FAM186A: variants seen among roughly 807,000 people sequenced by gnomAD.
FAM186A encodes family with sequence similarity 186 member A, also known as protein FAM186A.
Under a neutral mutation model 216.8 loss-of-function variants are expected in FAM186A, and 163 were observed. The observed-to-expected ratio is 0.75, with a 90% CI of 0.66 to 0.86. FAM186A has a LOEUF of 0.86. FAM186A is among the 40% of genes least tolerant of loss of function. The pLI is 0.00. For synonymous variants in FAM186A, 805 were observed against 1,025.3 expected (o/e 0.79, Z 4.10); for missense variants, 2,184 against 2,746.2 (o/e 0.80, Z 4.58).
At chr12:50,392,077 T>C (rs1943361787) in intron 1 of FAM186A, among the ~76,000 whole-genome samples, 1 of 140,372 alleles carries the variant, frequency 7.1e-6, no homozygotes, top group African/African-American at 2.7e-5. Flanking sequence ...GCTCCACTTA[T>C]ATAAAATCTA....
chr12:50,352,428 C>G lies in FAM186A; in HGVS notation c.4404G>C (p.Gly1468=), dbSNP rs751417214. ...GGGCCTGCTGAGGGGTGAGAGGGATCCCCAATTCCTGAGCCTGCTGAGGGG... is the reference window on the plus strand; with the variant it reads ...GGGCCTGCTGAGGGGTGAGAGGGATGCCCAATTCCTGAGCCTGCTGAGGGG... ...TLTPQQAQEL[G]IPLTPQQAQA... The change falls in exon 4 of 8, where the codon GGG becomes GGC. Residue 1468 remains glycine (G), a synonymous_variant. Transcript: ENST00000327337. 2.6e-5 allele frequency: 39 copies of G among 1,516,358 alleles called. No homozygotes were observed. Among genetic ancestry groups the G allele is most frequent in the Non-Finnish European group, 3.4e-5 (38 of 1,127,742 alleles). The allele number at this position is 1,516,358 out of a possible 1,614,324, so 93.9% of individuals were successfully genotyped here.
chr12:50,353,770 T>C lies in FAM186A; in HGVS notation c.3062A>G (p.Gln1021Arg). ...PRWKSVLKDV[Q>R]RSYEGKEFQR... is the part of the protein sequence containing the mutation. ...AAACTCTTTTCCTTCATATGACCGC[T>C]GTACATCTTTCAATACACTCTTCCA... is the stretch of plus-strand genomic sequence containing the variant. The change falls in exon 4 of 8, where the codon CAG (glutamine) becomes CGG (arginine). Residue 1021 changes from glutamine to arginine, a missense_variant. Around this residue, in one of 7 missense-constraint regions of FAM186A, gnomAD observed 1,132 missense variants for 1,263.4 expected, o/e 0.90. Transcript: ENST00000327337. 1 of 1,551,620 alleles carries C rather than the reference T, an allele frequency of 6.4e-7. No individual in the cohort carries two copies. The highest frequency in any genetic ancestry group is 8.7e-7 in the Non-Finnish European group (1 of 1,146,936).
At chr12:50,396,185 T>C (rs1170455024) in intron 1 of FAM186A, 108 bp downstream of exon 1, 1 of 1,071,084 alleles carries the variant, frequency 9.3e-7, no homozygotes, top group Non-Finnish European at 1.3e-6. Flanking sequence ...CTACCCTAAA[T>C]ACAGTCAAAT....
intron 3 of FAM186A, among the ~76,000 whole-genome samples, chr12:50,356,700 A>G (rs1258774934): frequency 6.6e-6 from 1 of 152,138 alleles, no homozygotes; most frequent in Non-Finnish European, 1.5e-5. Flanking sequence ...GGTTAGATAT[A>G]ATGTATCTAA....
intron 4 of FAM186A, among the ~76,000 whole-genome samples, chr12:50,348,850 G>A (rs559794095): frequency 4.9e-4 from 75 of 152,040 alleles, no homozygotes; most frequent in African/African-American, 6.8e-4. Context: ...GCAACCACGC[G>A]TGGCCATTTT....
In FAM186A at chr12:50,356,999, AACATACATACATACATACAT is replaced by A. The variant is rs71749786; in HGVS notation, c.584-771_584-752del. On this transcript the variant is annotated intron_variant, in intron 3 of 7. Transcript: ENST00000327337. ...GGGTAAAAGAGTGAGACTTCGTCTC[AACATACATACATACATACAT>A]ACATACATACATACATACATACATA... Among the ~76,000 whole-genome samples, 382 of 150,022 alleles carry A rather than the reference AACATACATACATACATACAT, an allele frequency of 2.5e-3. 2 individuals are homozygous for A. The highest frequency in any genetic ancestry group is 0.022 in the East Asian group (110 of 5,034).
rs71083561 is a variant in FAM186A, at chr12:50,394,732, C to CTTTTTTTTT, written c.192+1552_192+1560dup. ...TGAGCCACTGTGCCTGGCTAACACTCTTTTTTTTTTTTTTTTTTTTTTTTT... is the reference window on the plus strand; with the variant it reads ...TGAGCCACTGTGCCTGGCTAACACTCTTTTTTTTTTTTTTTTTTTTTTTTTTTTTTTTTT... On this transcript the variant is annotated intron_variant, in intron 1 of 7. Transcript: ENST00000327337. 2.8e-3 allele frequency among the ~76,000 whole-genome samples: 81 copies of CTTTTTTTTT among 29,408 alleles called. 25 individuals are homozygous for CTTTTTTTTT. The highest frequency in any genetic ancestry group is 0.011 in the African/African-American group (68 of 6,444). 19.3% of individuals were successfully genotyped at this position (29,408 alleles called of 152,430 possible). A position where few individuals can be genotyped will look rare whatever the true frequency, so the allele number is the denominator to read the frequency against.
chr12:50,355,202 A>T lies in FAM186A; in HGVS notation c.1630T>A (p.Leu544Met). The change falls in exon 4 of 8, where the codon TTG becomes ATG. Residue 544 changes from leucine to methionine, a missense_variant. By Grantham distance (15) the Leu-to-Met change is conservative. Around this residue, in one of 7 missense-constraint regions of FAM186A, gnomAD observed 1,132 missense variants for 1,263.4 expected, o/e 0.90. Coordinates refer to ENST00000327337, the MANE Select transcript of FAM186A (RefSeq NM_001145475.3). ...GGKSGTSMMM[L>M]EQFRKVKRES... Reference sequence around the variant, plus strand: ...CGTTTGACCTTCCTAAATTGCTCCAACATCATCATACTTGTTCCACTTTTG... The same window carrying T: ...CGTTTGACCTTCCTAAATTGCTCCATCATCATCATACTTGTTCCACTTTTG... The T allele has an allele frequency of 1.9e-6, 3 of 1,551,610 alleles. No homozygotes were observed. Among genetic ancestry groups the T allele is most frequent in the Non-Finnish European group, 2.6e-6 (3 of 1,146,944 alleles).
At chr12:50,359,322 C>T (rs967136600) in intron 3 of FAM186A, among the ~76,000 whole-genome samples, 6 of 151,962 alleles carry the variant, frequency 3.9e-5, no homozygotes, top group Admixed American at 6.6e-5. Context: ...CACTTGAACC[C>T]GGGAGGTGGA....
At chr12:50,330,804 C>T in intron 6 of FAM186A, 46 bp from the exon 7 acceptor site, 1 of 1,446,266 alleles carries the variant, frequency 6.9e-7, no homozygotes, top group Non-Finnish European at 9.2e-7. Flanking sequence ...TCCTGAGCTC[C>T]ATAGCCCATC....
intron 4 of FAM186A, among the ~76,000 whole-genome samples, chr12:50,350,100 G>A (rs1487446518): frequency 6.6e-6 from 1 of 152,046 alleles, no homozygotes; most frequent in Non-Finnish European, 1.5e-5. Context: ...TGGCATCTCC[G>A]CTGGAGATAT....
rs1040635888 is a variant in FAM186A, at chr12:50,366,539, C to G, written c.193-3175G>C. Among the ~76,000 whole-genome samples the G allele has an allele frequency of 2.0e-5, 3 of 149,234 alleles. No homozygotes were observed. In the Admixed American group the frequency reaches 2.0e-4, roughly 10 times the overall value. On this transcript the variant is annotated intron_variant, in intron 1 of 7. Coordinates refer to ENST00000327337, the MANE Select transcript of FAM186A (RefSeq NM_001145475.3). ...AGCATGTTAAAGGGATTATACACCA[C>G]GATCAAGTGAGATTTATTTCTGGAA...
intron 1 of FAM186A, among the ~76,000 whole-genome samples, chr12:50,372,533 G>T (rs1344070524): frequency 3.8e-4 from 58 of 151,434 alleles, no homozygotes; most frequent in Admixed American, 3.8e-3. Flanking sequence ...GGCAGAGGTT[G>T]CAGTGAGCCA....
At position 50,350,770 on chromosome 12, in the gene FAM186A, T is replaced by C; in HGVS notation, c.6062A>G (p.Lys2021Arg). Residue 2021 changes from lysine to arginine, a missense_variant, in exon 4 of 8, where the codon AAA becomes AGA. Lys to Arg is a conservative substitution (Grantham distance 26, BLOSUM62 2). Around this residue, in one of 7 missense-constraint regions of FAM186A, gnomAD observed 721 missense variants for 816.4 expected, o/e 0.88. Transcript: ENST00000327337. ...GGTTTGGTATACTGGTGTCCTATAT[T>C]TGGTGAAATGGGACTGAAATGTTCT... is the stretch of plus-strand genomic sequence containing the variant. ...SFRTFQSHFT[K>R]YRTPVYQTPY... The C allele has an allele frequency of 1.3e-6, 2 of 1,551,532 alleles. No individual in the cohort carries two copies. The highest frequency in any genetic ancestry group is 2.4e-5 in the South Asian group (2 of 84,056).
intron 1 of FAM186A, among the ~76,000 whole-genome samples, chr12:50,380,692 TAAAAAA>T (rs778024988): frequency 7.2e-6 from 1 of 138,540 alleles, no homozygotes; most frequent in Admixed American, 7.3e-5. Flanking sequence ...TGAGACTGTC[TAAAAAA>T]AAAAAAAAGA....
intron 7 of FAM186A, 136 bp from the exon 8 acceptor site, chr12:50,327,540 CTTTTTT>C (rs781530836): frequency 6.5e-4 from 307 of 475,398 alleles, no homozygotes; most frequent in East Asian, 8.0e-4. Flanking sequence ...GTATGTAATC[CTTTTTT>C]TTTTTTTTTT....
rs1942974947 is a variant in FAM186A, at chr12:50,356,173, G to T, written c.659C>A (p.Pro220Gln). Residue 220 changes from proline to glutamine, a missense_variant, in exon 4 of 8, where the codon CCA (proline) becomes CAA (glutamine). By Grantham distance (76) the Pro-to-Gln change is moderately conservative. Coordinates refer to ENST00000327337, the MANE Select transcript of FAM186A (RefSeq NM_001145475.3). ...KRPSTARALR[P>Q]DQMISDQLAT... is the part of the protein sequence containing the mutation. ...AAGTTGATCACTAATCATCTGATCT[G>T]GTCTTAAAGCACGGGCTGTTGAAGG... 1 of 1,551,502 alleles carries T rather than the reference G, an allele frequency of 6.4e-7. No homozygotes were observed.
At position 50,390,408 on chromosome 12, in the gene FAM186A, C is replaced by T. The variant is rs1943346667; in HGVS notation, c.192+5885G>A. On this transcript the variant is annotated intron_variant, in intron 1 of 7. Transcript: ENST00000327337. ...TTGGGAATTGACTGATGGACTCTGACTCGTTTTCATGATTCATGATTCAGG... is the reference window on the plus strand; with the variant it reads ...TTGGGAATTGACTGATGGACTCTGATTCGTTTTCATGATTCATGATTCAGG... Among the ~76,000 whole-genome samples the T allele has an allele frequency of 2.0e-5, 3 of 152,132 alleles. No homozygotes were observed. The South Asian group carries it at 6.2e-4, about 31-fold the overall frequency.
chr12:50,390,244 T>C (rs1411542843), intron 1 of FAM186A, among the ~76,000 whole-genome samples: 1 of 152,152 alleles, frequency 6.6e-6, no homozygotes, highest in Non-Finnish European at 1.5e-5. Flanking sequence ...GGTCTGATTA[T>C]TTCCTTTTTC....
Sources: gnomAD v4.1 joint callset for allele counts (sites outside exome capture counted in the v4.1 genomes callset) on GRCh38, gnomAD v4.1.1 for gene constraint, gnomAD v4.1.1 regional missense constraint, MANE v1.5 for transcripts, NCBI Gene and HGNC (gene_info 2026-07-23, HGNC 2026-07-21) for gene names.